CSDE1: variants seen among roughly 807,000 people sequenced by gnomAD.
CSDE1 encodes cold shock domain-containing protein E1.
CSDE1 carries 17 observed loss-of-function variants against 89.3 expected under a neutral mutation model. The observed-to-expected ratio is 0.19, with a 90% CI of 0.13 to 0.29. The LOEUF (loss-of-function observed/expected upper bound fraction) is 0.29, where lower values mean the gene tolerates loss of function less well. CSDE1 is among the 10% of genes least tolerant of loss of function. The pLI is 1.00. For synonymous variants in CSDE1, 322 were observed against 332.8 expected (o/e 0.97, Z 0.35); for missense variants, 672 against 984.2 (o/e 0.68, Z 4.24).
intron 2 of CSDE1, among the ~76,000 whole-genome samples, chr1:114,747,149 C>T (rs1201005694): frequency 2.0e-5 from 3 of 152,360 alleles, no homozygotes; most frequent in East Asian, 3.9e-4. Flanking sequence ...TCTATTTTCA[C>T]ATCTCAAACA....
intron 2 of CSDE1, among the ~76,000 whole-genome samples, chr1:114,744,672 G>A (rs543100726): frequency 1.2e-4 from 18 of 151,986 alleles, no homozygotes; most frequent in South Asian, 2.1e-4. Flanking sequence ...TTGCAAGGGC[G>A]GAACTTTCTA....
At chr1:114,738,661 CTTTTTTTTTTTTTTTT>C (rs752985259) in intron 3 of CSDE1, among the ~76,000 whole-genome samples, 2 of 80,026 alleles carry the variant, frequency 2.5e-5, no homozygotes, top group Non-Finnish European at 4.8e-5. Context: ...CATGTAAAAA[CTTTTTTTTTTTTTTTT>C]TTTTTTTTTT....
At position 114,723,919 on chromosome 1, in the gene CSDE1, T is replaced by C. The variant is rs1659661948; in HGVS notation, c.1837A>G (p.Thr613Ala). 6.2e-7 allele frequency: 1 copy of C among 1,613,988 alleles called. No individual in the cohort carries two copies. Among genetic ancestry groups the C allele is most frequent in the Admixed American group, 1.7e-5 (1 of 60,014 alleles). ...ATCTCAATCATTCCTTGGTACTCAGTCTGTGTTGGATCAACACTCCTCAGG... is the reference window on the plus strand; with the variant it reads ...ATCTCAATCATTCCTTGGTACTCAGCCTGTGTTGGATCAACACTCCTCAGG... ...RPLRSVDPTQTEYQGMIEIVE... is the reference protein window; with the variant it reads ...RPLRSVDPTQAEYQGMIEIVE... Residue 613 changes from threonine (T) to alanine (A), a missense_variant, in exon 16 of 20, where the codon ACT (threonine) becomes GCT (alanine). Transcript: ENST00000358528.
intron 10 of CSDE1, among the ~76,000 whole-genome samples, chr1:114,732,113 AT>A (rs947830785): frequency 2.8e-4 from 42 of 149,968 alleles, no homozygotes; most frequent in African/African-American, 7.8e-4. Flanking sequence ...CGTGCCTATG[AT>A]TTTTTTTTTA....
At chr1:114,745,576 A>G (rs771139925) in intron 2 of CSDE1, among the ~76,000 whole-genome samples, 48 of 152,190 alleles carry the variant, frequency 3.2e-4, no homozygotes, top group Middle Eastern at 3.2e-3. Flanking sequence ...CTCCATTCTT[A>G]ACCACTGCCT....
In CSDE1 at chr1:114,719,656, T is replaced by C. The variant is rs371580902; in HGVS notation, c.2139A>G (p.Ala713=). ...KEVQDGIELQ[A]GDEVEFSVIL... ...TCACTGAGAACTCCACCTCATCTCC[T>C]GCCTGTAGCTCAATGCCATCCTGAA... Residue 713 remains alanine, a synonymous_variant, in exon 18 of 20, where the codon GCA becomes GCG. Transcript: ENST00000358528. The C allele has an allele frequency of 6.2e-7, 1 of 1,614,094 alleles. No homozygotes were observed. Among genetic ancestry groups the C allele is most frequent in the Non-Finnish European group, 8.5e-7 (1 of 1,179,958 alleles).
At chr1:114,755,518 T>C (rs954057285) in intron 1 of CSDE1, among the ~76,000 whole-genome samples, 4 of 152,216 alleles carry the variant, frequency 2.6e-5, no homozygotes, top group Admixed American at 6.5e-5. Context: ...TAAAAAGTTT[T>C]GTGTTGTTTT....
At chr1:114,727,234 T>A (rs1359125182) in intron 12 of CSDE1, 144 bp from the exon 13 acceptor site, 1 of 594,230 alleles carries the variant, frequency 1.7e-6, no homozygotes, top group African/African-American at 1.9e-5. Context: ...TAAAAGATTA[T>A]TCATATGAAT....
chr1:114,726,478 T>G, intron 13 of CSDE1, 92 bp from the exon 14 acceptor site: 1 of 947,792 alleles, frequency 1.1e-6, no homozygotes, highest in Non-Finnish European at 1.5e-6. Flanking sequence ...CCCCAGCGCA[T>G]GCTTTTCATT....
chr1:114,726,300 C>T lies in CSDE1; in HGVS notation c.1551G>A (p.Lys517=). The change falls in exon 14 of 20, where the codon AAG becomes AAA. Residue 517 remains lysine, a synonymous_variant. Coordinates refer to ENST00000358528, the MANE Select transcript of CSDE1 (RefSeq NM_001007553.3). ...GAGTTGCCACATAACCCAAGAGCCT[C>T]TTGGAGTTAGAATTACGACCTAAAA... ...VRLLGRNSNS[K]RLLGYVATLK... The T allele has an allele frequency of 6.2e-7, 1 of 1,613,894 alleles. No individual in the cohort carries two copies. Among genetic ancestry groups the T allele is most frequent in the African/African-American group, 1.3e-5 (1 of 75,046 alleles).
At chr1:114,741,834 AT>A (rs964073404) in intron 2 of CSDE1, among the ~76,000 whole-genome samples, 5 of 152,186 alleles carry the variant, frequency 3.3e-5, no homozygotes, top group Admixed American at 6.5e-5. Flanking sequence ...GGTGAAATGT[AT>A]TTTTTTTAAA....
chr1:114,732,026 G>GCTGGTCTTGAACTC (rs542284817), intron 10 of CSDE1, among the ~76,000 whole-genome samples: 1,551 of 152,078 alleles, frequency 0.01, 36 homozygotes, highest in South Asian at 0.09. Context: ...TGTTGGCCAG[G>GCTGGTCTTGAACTC]CTGGTCTTGA....
chr1:114,723,104 G>A (rs1191189107), intron 16 of CSDE1, among the ~76,000 whole-genome samples: 3 of 151,952 alleles, frequency 2.0e-5, no homozygotes, highest in Non-Finnish European at 2.9e-5. Flanking sequence ...TGATCCGCCC[G>A]CCTCAGCCTC....
Position 114,719,707 on chromosome 1 carries a change from CT to C in CSDE1, c.2087del (p.Lys696ArgfsTer7). ...GFINYEVGDS[K>X]KLFFHVKEVQ... ...CTTCTTTCACATGGAAAAAGAGCTTCTTGCTATCTCCTACTTCATAGTTAAT... is the reference window on the plus strand; with the variant it reads ...CTTCTTTCACATGGAAAAAGAGCTTCTGCTATCTCCTACTTCATAGTTAAT... On this transcript the variant is annotated frameshift_variant, in exon 18 of 20. Transcript: ENST00000358528. LOFTEE classifies it high-confidence loss of function. 1 of 1,613,916 alleles carries C rather than the reference CT, an allele frequency of 6.2e-7. No homozygotes were observed.
intron 13 of CSDE1, among the ~76,000 whole-genome samples, chr1:114,726,755 C>G (rs1404488679): frequency 2.0e-5 from 3 of 152,192 alleles, no homozygotes; most frequent in African/African-American, 7.2e-5. Flanking sequence ...TTTTATTAAG[C>G]ATGTTTTATC....
chr1:114,730,181 T>C, intron 12 of CSDE1, 77 bp downstream of exon 12: 1 of 1,459,808 alleles, frequency 6.9e-7, no homozygotes, highest in Non-Finnish European at 9.3e-7. Flanking sequence ...TGATTATATG[T>C]ACTCTATTAC....
chr1:114,741,435 G>A, intron 2 of CSDE1: 2 of 1,205,638 alleles, frequency 1.7e-6, no homozygotes, highest in South Asian at 2.2e-5. Flanking sequence ...AAGGTGAGTC[G>A]GCAAGATATT....
At position 114,742,582 on chromosome 1, in the gene CSDE1, A is replaced by G. The variant is rs931451057; in HGVS notation, c.1-2692T>C. Among the ~76,000 whole-genome samples the G allele has an allele frequency of 3.9e-5, 6 of 152,172 alleles. No homozygotes were observed. The East Asian group carries it at 7.7e-4, about 20-fold the overall frequency. On this transcript the variant is annotated intron_variant, in intron 2 of 19. Transcript: ENST00000358528. ...GGGCAACACAGCAAGACTCCATCCC[A>G]GAAAAACAAAAAAGCCCAAATAGAC...
At chr1:114,729,807 G>C (rs959614389) in intron 12 of CSDE1, among the ~76,000 whole-genome samples, 1 of 152,086 alleles carries the variant, frequency 6.6e-6, no homozygotes, top group East Asian at 1.9e-4. Flanking sequence ...CTATTTAGTG[G>C]ATTTTTCAAT....
Sources: gnomAD v4.1 joint callset for allele counts (sites outside exome capture counted in the v4.1 genomes callset) on GRCh38, gnomAD v4.1.1 for gene constraint, MANE v1.5 for transcripts, NCBI Gene and HGNC (gene_info 2026-07-23, HGNC 2026-07-21) for gene names.